Variants in ACBD6 observed in about 807,000 individuals in gnomAD.
The protein encoded by ACBD6 is acyl-CoA binding domain containing 6, also known as acyl-CoA-binding domain-containing protein 6.
A neutral mutation model predicts 37.2 loss-of-function variants in ACBD6; 28 were observed. The observed-to-expected ratio is 0.75, with a 90% CI of 0.56 to 1.03. ACBD6 has a LOEUF of 1.03. Ranked by LOEUF, ACBD6 falls within the 50% of genes least tolerant of loss-of-function variation. The pLI is 0.00. For synonymous variants in ACBD6, 113 were observed against 126.8 expected, an observed-to-expected ratio of 0.89 and a Z score of 0.73; for missense variants, 340 against 337.4, an observed-to-expected ratio of 1.01 and a Z score of -0.06.
intron 6 of ACBD6, among the ~76,000 whole-genome samples, chr1:180,375,704 A>C (rs1653405720): frequency 6.6e-6 from 1 of 152,234 alleles, no homozygotes; most frequent in African/African-American, 2.4e-5. Context: ...CCACATCTCC[A>C]ATCATACATT....
At chr1:180,276,710 A>G (rs1174766617) in intron 9 of ACBD6, 1 of 152,198 alleles carries the variant, frequency 6.6e-6, no homozygotes, top group Non-Finnish European at 1.5e-5. Context: ...GCAATGAACC[A>G]GATGAAAAGC....
intron 3 of ACBD6, chr1:180,436,000 A>G: frequency 1.2e-6 from 1 of 858,612 alleles, no homozygotes; most frequent in Middle Eastern, 3.6e-4. Flanking sequence ...CTACCTTCAG[A>G]ATTTACTGTA....
At chr1:180,383,333 T>G (rs1653729889) in intron 6 of ACBD6, among the ~76,000 whole-genome samples, 1 of 152,088 alleles carries the variant, frequency 6.6e-6, no homozygotes, top group Non-Finnish European at 1.5e-5. Flanking sequence ...AATAAACAAA[T>G]TCAGTCGAGT....
intron 3 of ACBD6, among the ~76,000 whole-genome samples, chr1:180,464,348 T>C (rs956182005): frequency 1.3e-5 from 2 of 152,108 alleles, no homozygotes; most frequent in African/African-American, 4.8e-5. Context: ...AGTTGCAGGA[T>C]ACAAAATCAA....
chr1:180,434,315 T>C (rs1033264697), intron 3 of ACBD6, among the ~76,000 whole-genome samples: 5 of 152,130 alleles, frequency 3.3e-5, no homozygotes, highest in Admixed American at 6.5e-5. Context: ...CTGGAAGAAA[T>C]CAAAATATCT....
intron 5 of ACBD6, among the ~76,000 whole-genome samples, chr1:180,407,147 G>T (rs1647658439): frequency 6.6e-6 from 1 of 152,170 alleles, no homozygotes; most frequent in Admixed American, 6.5e-5. Flanking sequence ...AAAAGGGTTT[G>T]CCATCAGTAT....
intron 6 of ACBD6, among the ~76,000 whole-genome samples, chr1:180,336,930 C>A (rs1007645948): frequency 3.9e-5 from 6 of 152,104 alleles, no homozygotes; most frequent in Non-Finnish European, 8.8e-5. Context: ...TTCCTCGACA[C>A]ATACACCCTC....
chr1:180,328,919 T>TA (rs1651366992), intron 6 of ACBD6, among the ~76,000 whole-genome samples: 1 of 152,146 alleles, frequency 6.6e-6, no homozygotes, highest in Admixed American at 6.5e-5. Flanking sequence ...ACAATGTAGA[T>TA]ACAGTAACAT....
chr1:180,430,959 C>T (rs1648788808), intron 3 of ACBD6, among the ~76,000 whole-genome samples: 1 of 152,146 alleles, frequency 6.6e-6, no homozygotes, highest in Admixed American at 6.5e-5. Flanking sequence ...GCAACCTCTG[C>T]AAAACCCCAT....
At chr1:180,310,085 T>C (rs1346341880) in intron 7 of ACBD6, among the ~76,000 whole-genome samples, 1 of 152,160 alleles carries the variant, frequency 6.6e-6, no homozygotes, top group East Asian at 1.9e-4. Context: ...TGAGTTTTGG[T>C]TTCCTCATTT....
chr1:180,487,892 G>A (rs1341676717), intron 3 of ACBD6, among the ~76,000 whole-genome samples: 1 of 152,210 alleles, frequency 6.6e-6, no homozygotes, highest in Non-Finnish European at 1.5e-5. Context: ...GACATGCACA[G>A]AAATGTTTTC....
At chr1:180,366,235 CT>C (rs1337559389) in intron 6 of ACBD6, among the ~76,000 whole-genome samples, 11 of 152,030 alleles carry the variant, frequency 7.2e-5, no homozygotes, top group African/African-American at 2.2e-4. Context: ...GAAGAATTGC[CT>C]GACATTTTAA....
At chr1:180,474,454 A>T (rs1048003419) in intron 3 of ACBD6, among the ~76,000 whole-genome samples, 1 of 113,382 alleles carries the variant, frequency 8.8e-6, no homozygotes, top group Non-Finnish European at 1.7e-5. Flanking sequence ...CTGAAAAGCT[A>T]AAAAAAAAAA....
intron 6 of ACBD6, among the ~76,000 whole-genome samples, chr1:180,382,160 A>T (rs1341877385): frequency 6.6e-6 from 1 of 151,652 alleles, no homozygotes; most frequent in Non-Finnish European, 1.5e-5. Context: ...GAACAAACCA[A>T]ACCCCAACTT....
intron 7 of ACBD6, among the ~76,000 whole-genome samples, chr1:180,300,427 A>G (rs1650087284): frequency 6.6e-6 from 1 of 152,162 alleles, no homozygotes; most frequent in Non-Finnish European, 1.5e-5. Flanking sequence ...TGTTTTGACT[A>G]CCTTAAAAAC....
intron 6 of ACBD6, among the ~76,000 whole-genome samples, chr1:180,378,884 C>T (rs564237139): frequency 3.5e-4 from 54 of 152,282 alleles, no homozygotes; most frequent in Non-Finnish European, 6.3e-4. Flanking sequence ...AGAGGGTTGT[C>T]CCACCACTGC....
intron 6 of ACBD6, among the ~76,000 whole-genome samples, chr1:180,393,874 C>A (rs979042450): frequency 2.0e-5 from 3 of 152,142 alleles, no homozygotes; most frequent in Admixed American, 1.3e-4. Context: ...TCTAACAGAT[C>A]CGTCCTAAAA....
At chr1:180,413,681 A>G (rs1282798080) in intron 4 of ACBD6, among the ~76,000 whole-genome samples, 1 of 152,156 alleles carries the variant, frequency 6.6e-6, no homozygotes, top group South Asian at 2.1e-4. Context: ...CTTACAGGAT[A>G]AGAGAATAAA....
chr1:180,454,745 C>T (rs1354541416), intron 3 of ACBD6, among the ~76,000 whole-genome samples: 9 of 152,018 alleles, frequency 5.9e-5, no homozygotes, highest in South Asian at 4.2e-4. Flanking sequence ...AAGACATTTA[C>T]GCAGCCAACA....
Sources: allele counts gnomAD v4.1 joint callset (sites outside exome capture counted in the v4.1 genomes callset), GRCh38; gene constraint gnomAD v4.1.1; transcripts MANE v1.5; gene names NCBI Gene and HGNC (gene_info 2026-07-23, HGNC 2026-07-21).